The following NBEAL1 variants were observed in gnomAD, a reference collection of about 807,000 sequenced individuals.
NBEAL1 encodes the protein neurobeachin like 1, also known as neurobeachin-like protein 1.
In NBEAL1, 273 loss-of-function variants were observed where a neutral mutation model predicts 351.3. The ratio of observed to expected loss-of-function variants is 0.78; its 90% CI spans 0.70 to 0.86. The LOEUF (loss-of-function observed/expected upper bound fraction) is 0.86, where lower values mean the gene tolerates loss of function less well. Among genes scored for constraint, NBEAL1 ranks in the 40% least tolerant of loss-of-function variants. The probability of loss-of-function intolerance (pLI) is 0.00; values close to 1 mark genes in which losing one functional copy is unlikely to be tolerated. For synonymous variants in NBEAL1, 1,050 were observed against 1,086.4 expected (o/e 0.97, Z 0.66); for missense variants, 2,961 against 3,201.3 (o/e 0.92, Z 1.81).
chr2:203,048,943 TC>T (rs1354598711), intron 3 of NBEAL1, among the ~76,000 whole-genome samples: 1 of 151,592 alleles, frequency 6.6e-6, no homozygotes, highest in Non-Finnish European at 1.5e-5. Context: ...TTATCTTTTC[TC>T]CCTCTTCTGA....
intron 35 of NBEAL1, among the ~76,000 whole-genome samples, chr2:203,155,299 A>G (rs2063771640): frequency 6.6e-6 from 1 of 150,482 alleles, no homozygotes. Context: ...GTACTTCTCT[A>G]TTAGACATGC....
rs1422660334 is a variant in NBEAL1, at chr2:203,221,443, A to T, written c.*4089A>T. On this transcript the variant is annotated 3_prime_UTR_variant, in exon 56 of 56. Coordinates refer to ENST00000683969, the MANE Select transcript of NBEAL1 (RefSeq NM_001378026.1). ...GTGTGTGTAAAGATTGGTCTTTTCA[A>T]ATATGTATATTTAAACCTGTCTTCT... 6.6e-6 allele frequency among the ~76,000 whole-genome samples: 1 copy of T among 151,930 alleles called. No homozygotes were observed. Among genetic ancestry groups the T allele is most frequent in the Non-Finnish European group, 1.5e-5 (1 of 67,974 alleles).
intron 10 of NBEAL1, 55 bp from the exon 11 acceptor site, chr2:203,097,492 T>C: frequency 2.8e-6 from 2 of 725,622 alleles, no homozygotes; most frequent in Non-Finnish European, 3.4e-6. Flanking sequence ...CATTGCTGCT[T>C]ATAGGTAACA....
At chr2:203,165,437 A>G (rs2064103996) in intron 36 of NBEAL1, among the ~76,000 whole-genome samples, 2 of 152,142 alleles carry the variant, frequency 1.3e-5, no homozygotes, top group African/African-American at 4.8e-5. Flanking sequence ...TTATTTACAA[A>G]CACCACTACA....
In NBEAL1 at chr2:203,138,643, C is replaced by G. The variant is rs761467085; in HGVS notation, c.4743C>G (p.Leu1581=). ...TEKLLEDMML[L]FDCLSVCYSE... The stretch of plus-strand genomic sequence containing the variant: ...AGCTTTTAGAGGATATGATGCTGCT[C>G]TTTGACTGTCTGTCAGTCTGCTATT... Residue 1581 remains leucine (L), a synonymous_variant, in exon 31 of 56, where the codon CTC becomes CTG. Transcript: ENST00000683969. The G allele has an allele frequency of 1.3e-5, 21 of 1,608,486 alleles. No homozygotes were observed. Among genetic ancestry groups the G allele is most frequent in the Non-Finnish European group, 4.2e-6 (5 of 1,178,612 alleles).
chr2:203,068,070 C>G (rs927150863), intron 6 of NBEAL1, among the ~76,000 whole-genome samples: 7 of 152,326 alleles, frequency 4.6e-5, no homozygotes, highest in African/African-American at 1.7e-4. Flanking sequence ...TGCTACTAAT[C>G]TGAGCTGTCA....
chr2:203,020,293 T>C (rs2060747282), intron 2 of NBEAL1, among the ~76,000 whole-genome samples: 1 of 152,214 alleles, frequency 6.6e-6, no homozygotes, highest in African/African-American at 2.4e-5. Context: ...GTTGTTATTG[T>C]ATAATACAAG....
Position 203,144,888 on chromosome 2 carries a change from G to T in NBEAL1, c.5137G>T (p.Val1713Phe), listed in dbSNP as rs551272730. Reference protein sequence around the residue: ...QEYCNSNEWQVYIEKYIVPYM... With the variant: ...QEYCNSNEWQFYIEKYIVPYM... Reference sequence around the variant, plus strand: ...ATATTGTAATTCAAATGAATGGCAAGTTTACATTGAAAAATATGTAAGTTT... The same window carrying T: ...ATATTGTAATTCAAATGAATGGCAATTTTACATTGAAAAATATGTAAGTTT... The change falls in exon 32 of 56, where the codon GTT becomes TTT. Residue 1713 changes from valine (V) to phenylalanine (F), a missense_variant. Physicochemically the swap from Val to Phe is conservative, Grantham distance 50 (BLOSUM62 -1). Coordinates refer to ENST00000683969, the MANE Select transcript of NBEAL1 (RefSeq NM_001378026.1). 1.9e-6 allele frequency: 3 copies of T among 1,588,360 alleles called. No homozygotes were observed. The highest frequency in any genetic ancestry group is 2.6e-6 in the Non-Finnish European group (3 of 1,170,616).
intron 7 of NBEAL1, among the ~76,000 whole-genome samples, chr2:203,074,298 A>G (rs1574932986): frequency 6.7e-6 from 1 of 149,534 alleles, no homozygotes; most frequent in Admixed American, 6.8e-5. Context: ...GGGAGTTTAC[A>G]GATCCTTTTT....
intron 36 of NBEAL1, among the ~76,000 whole-genome samples, chr2:203,164,271 A>G (rs1575069224): frequency 6.6e-6 from 1 of 151,986 alleles, no homozygotes; most frequent in East Asian, 1.9e-4. Context: ...ATATATTACA[A>G]ATTGACTAGA....
intron 47 of NBEAL1, among the ~76,000 whole-genome samples, chr2:203,196,710 G>A (rs2065251475): frequency 6.6e-6 from 1 of 152,078 alleles, no homozygotes; most frequent in African/African-American, 2.4e-5. Flanking sequence ...CATTTACCTA[G>A]TAAATATTAG....
chr2:203,216,800 G>A (rs1307722104), intron 55 of NBEAL1, among the ~76,000 whole-genome samples: 1 of 152,070 alleles, frequency 6.6e-6, no homozygotes, highest in Admixed American at 6.6e-5. Context: ...ATTATTATGT[G>A]TGTATATGTG....
At chr2:203,183,227 C>T (rs895056470) in intron 43 of NBEAL1, 52 bp from the exon 44 acceptor site, 90 of 1,008,344 alleles carry the variant, frequency 8.9e-5, no homozygotes, top group Non-Finnish European at 1.3e-4. Context: ...TGTTTTACTT[C>T]GTTTATTATA....
At chr2:203,088,787 C>G (rs1268234301) in intron 10 of NBEAL1, among the ~76,000 whole-genome samples, 1 of 152,080 alleles carries the variant, frequency 6.6e-6, no homozygotes, top group African/African-American at 2.4e-5. Context: ...CAGCAGTGTC[C>G]TAAGTATTTG....
At chr2:203,184,550 A>AG (rs1193728353) in intron 44 of NBEAL1, among the ~76,000 whole-genome samples, 1 of 152,140 alleles carries the variant, frequency 6.6e-6, no homozygotes, top group Non-Finnish European at 1.5e-5. Flanking sequence ...GATGATATTG[A>AG]TGGCTCCACT....
rs975905147 is a variant in NBEAL1 at position 203,197,646 on chromosome 2, G to A, written c.7128+255G>A. On this transcript the variant is annotated intron_variant, in intron 48 of 55. Transcript: ENST00000683969. ...AAATAGGCTGGGCACAGTGGCCCACGTCCGTAATCCCAGCACTTTGGGAGG... is the reference window on the plus strand; with the variant it reads ...AAATAGGCTGGGCACAGTGGCCCACATCCGTAATCCCAGCACTTTGGGAGG... 3.9e-5 allele frequency among the ~76,000 whole-genome samples: 6 copies of A among 152,204 alleles called. No individual in the cohort carries two copies. In the South Asian group the frequency reaches 6.2e-4, roughly 16 times the overall value.
At chr2:203,183,104 G>A (rs2064780605) in intron 43 of NBEAL1, 175 bp from the exon 44 acceptor site, 1 of 397,674 alleles carries the variant, frequency 2.5e-6, no homozygotes, top group East Asian at 3.8e-5. Flanking sequence ...CCTTATAATA[G>A]CTAATTTAAA....
Position 203,223,326 on chromosome 2 carries a change from G to A in NBEAL1, c.*5972G>A, listed in dbSNP as rs1332779948. Among the ~76,000 whole-genome samples the A allele has an allele frequency of 1.3e-5, 2 of 151,874 alleles. No individual in the cohort carries two copies. The highest frequency in any genetic ancestry group is 4.8e-5 in the African/African-American group (2 of 41,358). On this transcript the variant is annotated 3_prime_UTR_variant, in exon 56 of 56. Coordinates refer to ENST00000683969, the MANE Select transcript of NBEAL1 (RefSeq NM_001378026.1). ...CATGGTACGGTTTTCATGTTTCCTT[G>A]GAAACATATTTTGCAAATATAACAA...
intron 30 of NBEAL1, 77 bp from the exon 31 acceptor site, chr2:203,138,543 A>T: frequency 7.1e-7 from 1 of 1,404,990 alleles, no homozygotes; most frequent in Non-Finnish European, 9.7e-7. Flanking sequence ...GGTTTGTATT[A>T]ATGTTGGGGA....
Sources: allele counts gnomAD v4.1 joint callset (sites outside exome capture counted in the v4.1 genomes callset), GRCh38; gene constraint gnomAD v4.1.1; transcripts MANE v1.5; gene names NCBI Gene and HGNC (gene_info 2026-07-23, HGNC 2026-07-21).